Variants in SORCS1 observed in about 807,000 individuals in gnomAD.
SORCS1 encodes the protein sortilin related VPS10 domain containing receptor 1, also known as VPS10 domain-containing receptor SorCS1.
Under a neutral mutation model 146.1 loss-of-function variants are expected in SORCS1, and 60 were observed. The ratio of observed to expected loss-of-function variants is 0.41; its 90% CI spans 0.33 to 0.51. The LOEUF (loss-of-function observed/expected upper bound fraction) is 0.51. SORCS1 is among the 20% of genes least tolerant of loss of function. SORCS1 has a pLI of 0.21. For synonymous variants in SORCS1, 637 were observed against 584.0 expected, an observed-to-expected ratio of 1.09 and a Z score of -1.31; for missense variants, 1,352 against 1,487.6, an observed-to-expected ratio of 0.91 and a Z score of 1.50.
intron 5 of SORCS1, among the ~76,000 whole-genome samples, chr10:106,748,667 A>G (rs147364289): frequency 1.7e-4 from 26 of 152,242 alleles, no homozygotes; most frequent in African/African-American, 6.0e-4. Flanking sequence ...GAAAATTTAG[A>G]CTTTATGATA....
chr10:106,971,046 G>A (rs555493625), intron 1 of SORCS1, among the ~76,000 whole-genome samples: 36 of 151,438 alleles, frequency 2.4e-4, no homozygotes, highest in Admixed American at 1.6e-3. Flanking sequence ...CACCATGACC[G>A]GCCTGCTTCC....
chr10:106,736,603 A>T (rs1394916088), intron 5 of SORCS1, among the ~76,000 whole-genome samples: 7 of 6,550 alleles, frequency 1.1e-3, no homozygotes, highest in African/African-American at 3.2e-3. Context: ...AACCCTGGTT[A>T]AAAAAAAAAA....
upstream of SORCS1, among the ~76,000 whole-genome samples, chr10:107,165,426 A>G (rs987864123): frequency 2.0e-5 from 3 of 152,072 alleles, no homozygotes; most frequent in South Asian, 2.1e-4. This position sits in a 1 kb window ranked among gnomAD's most constrained non-coding sequence, Gnocchi z 4.0. Context: ...GCATGCAATC[A>G]TATTTAAGAA....
chr10:106,977,715 CAATATACA>C (rs759876613), intron 1 of SORCS1, among the ~76,000 whole-genome samples: 8 of 151,400 alleles, frequency 5.3e-5, no homozygotes, highest in Non-Finnish European at 8.8e-5. Context: ...GACAATTACA[CAATATACA>C]AATATGCATC....
At chr10:106,589,684 C>T (rs535718071) in intron 24 of SORCS1, among the ~76,000 whole-genome samples, 2 of 141,440 alleles carry the variant, frequency 1.4e-5, no homozygotes, top group Admixed American at 7.3e-5. Flanking sequence ...CCAAATTTAT[C>T]GTCTTTGACG....
chr10:106,888,459 A>G (rs1951092676), intron 2 of SORCS1, among the ~76,000 whole-genome samples: 2 of 141,826 alleles, frequency 1.4e-5, no homozygotes, highest in African/African-American at 2.4e-5. Flanking sequence ...CCTATTTACC[A>G]TAAAAGTAGG....
chr10:106,847,743 C>T (rs1210514788), intron 2 of SORCS1, among the ~76,000 whole-genome samples: 1 of 109,602 alleles, frequency 9.1e-6, no homozygotes, highest in Non-Finnish European at 2.1e-5. Flanking sequence ...TTTCCCTCTA[C>T]ACACTGCTTT....
chr10:107,115,621 G>A (rs1965986884), intron 1 of SORCS1, among the ~76,000 whole-genome samples: 1 of 151,978 alleles, frequency 6.6e-6, no homozygotes. Context: ...AAACTTCAAT[G>A]TAAGATCTGA....
At chr10:107,169,202 C>A (rs538916776), upstream of SORCS1, among the ~76,000 whole-genome samples, 2 of 152,240 alleles carry the variant, frequency 1.3e-5, no homozygotes, top group South Asian at 4.2e-4. Flanking sequence ...ATCGTTTGAA[C>A]AATGTCTTTT....
intron 1 of SORCS1, among the ~76,000 whole-genome samples, chr10:107,034,049 C>T (rs1020350335): frequency 2.6e-5 from 4 of 152,206 alleles, no homozygotes; most frequent in African/African-American, 7.2e-5. Flanking sequence ...TGTTAATCAG[C>T]ATCACAAACA....
intron 2 of SORCS1, among the ~76,000 whole-genome samples, chr10:106,846,013 G>C (rs1949304056): frequency 7.7e-6 from 1 of 129,116 alleles, no homozygotes; most frequent in Admixed American, 8.1e-5. Context: ...CAGTCAGGTA[G>C]TGTGATGCCT....
At chr10:106,738,011 T>C (rs1164677124) in intron 5 of SORCS1, among the ~76,000 whole-genome samples, 1 of 151,932 alleles carries the variant, frequency 6.6e-6, no homozygotes, top group Non-Finnish European at 1.5e-5. Context: ...ATTAATGAGA[T>C]AAATCTCTAA....
chr10:107,126,630 G>C (rs942546813), intron 1 of SORCS1, among the ~76,000 whole-genome samples: 1 of 152,062 alleles, frequency 6.6e-6, no homozygotes, highest in Non-Finnish European at 1.5e-5. Context: ...TATTTGTGGA[G>C]AGTCTGTCTC....
intron 10 of SORCS1, 49 bp downstream of exon 10, chr10:106,688,143 T>C: frequency 6.3e-7 from 1 of 1,584,174 alleles, no homozygotes. Flanking sequence ...AAATATCCAT[T>C]TCCATCCCTC....
intron 1 of SORCS1, among the ~76,000 whole-genome samples, chr10:107,155,765 T>C (rs574056692): frequency 6.6e-6 from 1 of 152,242 alleles, no homozygotes; most frequent in East Asian, 1.9e-4. Flanking sequence ...TCTCAACAGC[T>C]CCTGTTACTC....
intron 3 of SORCS1, among the ~76,000 whole-genome samples, chr10:106,798,326 A>G (rs1210818584): frequency 3.9e-5 from 6 of 152,180 alleles, no homozygotes; most frequent in East Asian, 3.9e-4. Context: ...TCTATGGTAC[A>G]TGTGCACAAC....
the SORCS1 span, among the ~76,000 whole-genome samples, chr10:107,172,097 T>TA: frequency 2.0e-5 from 3 of 152,328 alleles, no homozygotes; most frequent in East Asian, 5.8e-4. Context: ...ACTGGTATTT[T>TA]ATGCCTGTTA....
chr10:106,887,539 T>A (rs1437436829), intron 2 of SORCS1, among the ~76,000 whole-genome samples: 1 of 151,922 alleles, frequency 6.6e-6, no homozygotes, highest in East Asian at 1.9e-4. Flanking sequence ...ATCACGCCAC[T>A]CTACTCCAGC....
intron 1 of SORCS1, among the ~76,000 whole-genome samples, chr10:106,970,336 C>CTCTTTTTTTTT (rs1955713548): frequency 1.1e-5 from 1 of 89,454 alleles, no homozygotes; most frequent in South Asian, 3.9e-4. Context: ...ACCAACATCT[C>CTCTTTTTTTTT]TTTTTTTTTT....
Sources: gnomAD v4.1 joint callset for allele counts (sites outside exome capture counted in the v4.1 genomes callset) on GRCh38, gnomAD v4.1.1 for gene constraint, Gnocchi (gnomAD v3.1) non-coding constraint, MANE v1.5 for transcripts, NCBI Gene and HGNC (gene_info 2026-07-23, HGNC 2026-07-21) for gene names.